SLC23A3: variants seen among roughly 807,000 people sequenced by gnomAD.
SLC23A3 encodes the protein E2-binding protein 3.
A neutral mutation model predicts 64.7 loss-of-function variants in SLC23A3; 41 were observed. The ratio of observed to expected loss-of-function variants is 0.63; its 90% CI spans 0.49 to 0.82. The LOEUF is 0.82. Among genes scored for constraint, SLC23A3 ranks in the 40% least tolerant of loss-of-function variants. SLC23A3 has a pLI of 0.00. For synonymous variants in SLC23A3, 281 were observed against 306.8 expected (o/e 0.92, Z 0.88); for missense variants, 647 against 733.4 (o/e 0.88, Z 1.36).
rs1399286429 is a variant in SLC23A3 at position 219,161,917 on chromosome 2, G to A, written c.1825C>T (p.Gln609Ter). The change falls in exon 12 of 12, where the codon CAG becomes TAG. Residue 609 changes from glutamine to a stop codon, truncating the protein, a stop_gained. Coordinates refer to ENST00000409878, the MANE Select transcript of SLC23A3 (RefSeq NM_001144889.2). LOFTEE classifies it high-confidence loss of function. ...PESSREGFRS[Q>*]K is the part of the protein sequence containing the mutation. ...AGAAGTAGGCGTTCTGGTCATTTCT[G>A]GGACCTAAACCCTTCTCTGCTAGAT... The A allele has an allele frequency of 1.9e-6, 3 of 1,550,040 alleles. No individual in the cohort carries two copies. The highest frequency in any genetic ancestry group is 1.4e-5 in the African/African-American group (1 of 72,402).
Position 219,169,907 on chromosome 2 carries a change from A to G in SLC23A3, c.78T>C (p.Pro26=). ...SQDALAPLPP[P]APQNPSTHSW... is the part of the protein sequence containing the mutation. ...AGTGGGTGGAGGGATTCTGGGGAGCAGGTGGAGGCAAGGGGGCCAGGGCAT... is the reference window on the plus strand; with the variant it reads ...AGTGGGTGGAGGGATTCTGGGGAGCGGGTGGAGGCAAGGGGGCCAGGGCAT... Residue 26 remains proline (P), a synonymous_variant, in exon 1 of 12, where the codon CCT becomes CCC. Transcript: ENST00000409878. This position sits in a 1 kb window ranked among gnomAD's most constrained non-coding sequence, Gnocchi z 4.5. 6.2e-7 allele frequency: 1 copy of G among 1,613,562 alleles called. No homozygotes were observed. Among genetic ancestry groups the G allele is most frequent in the Non-Finnish European group, 8.5e-7 (1 of 1,179,780 alleles).
At position 219,170,017 on chromosome 2, in the gene SLC23A3, C is replaced by G; in HGVS notation, c.-33G>C. 6.2e-7 allele frequency: 1 copy of G among 1,607,562 alleles called. No individual in the cohort carries two copies. Among genetic ancestry groups the G allele is most frequent in the Non-Finnish European group, 8.5e-7 (1 of 1,177,504 alleles). On this transcript the variant is annotated 5_prime_UTR_variant, in exon 1 of 12. Transcript: ENST00000409878. Reference sequence around the variant, plus strand: ...TGCCTTTCGCTTTGTCTTGGCTGCCCGGGACCAGAGTTAAGTAGAGAGAGT... The same window carrying G: ...TGCCTTTCGCTTTGTCTTGGCTGCCGGGGACCAGAGTTAAGTAGAGAGAGT...
rs1213375314 is a variant in SLC23A3 at position 219,165,302 on chromosome 2, G to A, written c.1034C>T (p.Pro345Leu). The change falls in exon 8 of 12, where the codon CCT becomes CTT. Residue 345 changes from proline to leucine, a missense_variant. Coordinates refer to ENST00000409878, the MANE Select transcript of SLC23A3 (RefSeq NM_001144889.2). ...YALCGRLLHLPPPPPHACSRG... is the reference protein window; with the variant it reads ...YALCGRLLHLLPPPPHACSRG... ...ACTGCAGGCATGTGGAGGTGGGGGA[G>A]GCAAATGCAGCAGCCGGCCACACAG... The A allele has an allele frequency of 1.3e-6, 2 of 1,551,510 alleles. No individual in the cohort carries two copies. Among genetic ancestry groups the A allele is most frequent in the Non-Finnish European group, 1.7e-6 (2 of 1,147,004 alleles).
chr2:219,168,610 C>G (rs773676001), intron 5 of SLC23A3, 42 bp downstream of exon 5: 2 of 1,591,544 alleles, frequency 1.3e-6, no homozygotes, highest in East Asian at 2.2e-5. Context: ...CCCCCATACA[C>G]CCCCACTGGG....
chr2:219,169,560 C>T lies in SLC23A3; in HGVS notation c.281G>A (p.Cys94Tyr). Reference sequence around the variant, plus strand: ...AGTTTGCAGGATGGTAGACATACCACATGAAAAGAAGCTGGAGGCCAGGAG... The same window carrying T: ...AGTTTGCAGGATGGTAGACATACCATATGAAAAGAAGCTGGAGGCCAGGAG... ...SQLLASSFFS[C>Y]GMSTILQTWM... Residue 94 changes from cysteine to tyrosine, a missense_variant, in exon 2 of 12, where the codon TGT becomes TAT. Cys to Tyr is a radical substitution (Grantham distance 194). Transcript: ENST00000409878. This position sits in a 1 kb window ranked among gnomAD's most constrained non-coding sequence, Gnocchi z 4.5. The T allele has an allele frequency of 1.2e-6, 2 of 1,614,156 alleles. No homozygotes were observed.
chr2:219,169,621 G>A lies in SLC23A3; in HGVS notation c.220C>T (p.Leu74Phe), dbSNP rs1384134426. ...GAGTAAGAGAGTCCTCCTGGGGAGA[G>A]ACTGCAAAGCAGGAGCAGGTGGGAG... ...CVSHLLLLCS[L>F]SPGGLSYSPS... Residue 74 changes from leucine to phenylalanine, a missense_variant, in exon 2 of 12, where the codon CTC (leucine) becomes TTC (phenylalanine). Physicochemically the swap from Leu to Phe is conservative, Grantham distance 22. Coordinates refer to ENST00000409878, the MANE Select transcript of SLC23A3 (RefSeq NM_001144889.2). The surrounding 1 kb of genome is among the most constrained non-coding windows in gnomAD (Gnocchi z 4.5). The A allele has an allele frequency of 4.3e-6, 7 of 1,614,112 alleles. No homozygotes were observed. The Admixed American group carries it at 5.0e-5, about 12-fold the overall frequency.
chr2:219,168,481 G>T, intron 5 of SLC23A3, 163 bp from the exon 6 acceptor site: 1 of 1,128,162 alleles, frequency 8.9e-7, no homozygotes, highest in Non-Finnish European at 1.2e-6. Context: ...AGAAAACAGT[G>T]TGAAATTCAA....
rs1269935654 is a variant in SLC23A3 at position 219,165,164 on chromosome 2, C to T, written c.1167+5G>A. 6 of 1,551,480 alleles carry T rather than the reference C, an allele frequency of 3.9e-6. No individual in the cohort carries two copies. Among genetic ancestry groups the T allele is most frequent in the Non-Finnish European group, 8.7e-7 (1 of 1,147,006 alleles). On this transcript the variant is annotated splice_donor_5th_base_variant and intron_variant, in intron 8 of 11. Transcript: ENST00000409878. ...CTACCCCACTCCCATCCCAGGTCCA[C>T]GTACCTGGATAAGACCCACTTTGCC...
At position 219,169,244 on chromosome 2, in the gene SLC23A3, T is replaced by G. The variant is rs372709394; in HGVS notation, c.418+65A>C. 456 of 1,613,336 alleles carry G rather than the reference T, an allele frequency of 2.8e-4. 1 individual carries two copies. The highest frequency in any genetic ancestry group is 3.4e-4 in the Non-Finnish European group (396 of 1,179,796). ...GCCCAATCTCAATTCTGCACCCACC[T>G]ACACCTGCATGCTCAGATGAGAACC... On this transcript the variant is annotated intron_variant, in intron 3 of 11. Coordinates refer to ENST00000409878, the MANE Select transcript of SLC23A3 (RefSeq NM_001144889.2). This position sits in a 1 kb window ranked among gnomAD's most constrained non-coding sequence, Gnocchi z 4.5.
Position 219,163,318 on chromosome 2 carries a change from G to A in SLC23A3, c.1441+70C>T, listed in dbSNP as rs1055111394. On this transcript the variant is annotated intron_variant, in intron 10 of 11. Transcript: ENST00000409878. ...AAGCCCAGAGAAGGCTGTGGGGCCA[G>A]GAGTCCGGGCAGCCTGAAGCCTCAA... 11 of 1,494,724 alleles carry A rather than the reference G, an allele frequency of 7.4e-6. No homozygotes were observed. The East Asian group carries it at 9.1e-5, about 12-fold the overall frequency. 92.6% of individuals were successfully genotyped at this position (1,494,724 alleles called of 1,614,324 possible). A position where few individuals can be genotyped will look rare whatever the true frequency, so the allele number is the denominator to read the frequency against.
rs557848804 is a variant in SLC23A3, at chr2:219,163,650, CAAAT to C, written c.1274-99_1274-96del. On this transcript the variant is annotated intron_variant, in intron 9 of 11. Coordinates refer to ENST00000409878, the MANE Select transcript of SLC23A3 (RefSeq NM_001144889.2). ...AGGGCAAGCAGGTTGTAATGGGAAACAAATAAAACCCAAGAGAATGATTTTTGTT... is the reference window on the plus strand; with the variant it reads ...AGGGCAAGCAGGTTGTAATGGGAAACAAAACCCAAGAGAATGATTTTTGTT... 351 of 1,161,626 alleles carry C rather than the reference CAAAT, an allele frequency of 3.0e-4. No individual in the cohort carries two copies. In the African/African-American group the frequency reaches 4.6e-3, roughly 15 times the overall value. 72.0% of individuals were successfully genotyped at this position (1,161,626 alleles called of 1,614,324 possible). A position where few individuals can be genotyped will look rare whatever the true frequency, so the allele number is the denominator to read the frequency against.
At chr2:219,166,521 A>T (rs1052929448) in intron 7 of SLC23A3, among the ~76,000 whole-genome samples, 119 of 150,852 alleles carry the variant, frequency 7.9e-4, no homozygotes, top group African/African-American at 2.8e-3. Flanking sequence ...TATTTTATTT[A>T]TTTTATTTTA....
rs1949941804 is a variant in SLC23A3 at position 219,161,559 on chromosome 2, G to A, written c.*350C>T. 5.2e-6 allele frequency: 1 copy of A among 193,066 alleles called. No homozygotes were observed. The highest frequency in any genetic ancestry group is 2.3e-5 in the African/African-American group (1 of 43,124). 12.0% of individuals were successfully genotyped at this position (193,066 alleles called of 1,614,324 possible). ...ACAAAGGTCTTTTTAAACCGTAAAT[G>A]CCTTGAGACGGCATGGACCCTGTCT... On this transcript the variant is annotated 3_prime_UTR_variant, in exon 12 of 12. Coordinates refer to ENST00000409878, the MANE Select transcript of SLC23A3 (RefSeq NM_001144889.2).
chr2:219,163,080 C>T (rs1333138886), intron 10 of SLC23A3, among the ~76,000 whole-genome samples: 1 of 152,236 alleles, frequency 6.6e-6, no homozygotes, highest in Non-Finnish European at 1.5e-5. Flanking sequence ...TACCATCCTT[C>T]AAGACCAGCT....
rs773835630 is a variant in SLC23A3 at position 219,162,282 on chromosome 2, G to A, written c.1537+17C>T. 3.0e-5 allele frequency: 49 copies of A among 1,613,766 alleles called. No homozygotes were observed. The highest frequency in any genetic ancestry group is 4.1e-5 in the Non-Finnish European group (48 of 1,179,806). ...CCTGGCCACTCCCCAGTCTGCTAGG[G>A]CCTAGCCTCAACTTACCAGGAATCG... is the stretch of plus-strand genomic sequence containing the variant. On this transcript the variant is annotated intron_variant, in intron 11 of 11. Transcript: ENST00000409878.
In SLC23A3 at chr2:219,162,348, G is replaced by A. The variant is rs1413920758; in HGVS notation, c.1488C>T (p.Pro496=). The change falls in exon 11 of 12, where the codon CCC becomes CCT. Residue 496 remains proline (P), a synonymous_variant. Transcript: ENST00000409878. The part of the protein sequence containing the change: ...DVLLHSLLTQ[P]IFLAGLSGFL... ...AGCCTGAGAGTCCAGCCAGGAAGAT[G>A]GGCTGTGTCAGCAGTGAGTGCAGTA... The A allele has an allele frequency of 6.2e-6, 10 of 1,614,100 alleles. No individual in the cohort carries two copies. Among genetic ancestry groups the A allele is most frequent in the Admixed American group, 1.7e-5 (1 of 60,020 alleles).
chr2:219,163,513 C>A lies in SLC23A3; in HGVS notation c.1316G>T (p.Gly439Val). ...GVTQAVVLSA[G>V]FSSFYLADID... is the part of the protein sequence containing the mutation. ...GTCAGCCAGGTAGAAGCTGGAGAATCCAGCAGACAAAACCACAGCCTGGGT... is the reference window on the plus strand; with the variant it reads ...GTCAGCCAGGTAGAAGCTGGAGAATACAGCAGACAAAACCACAGCCTGGGT... Residue 439 changes from glycine (G) to valine (V), a missense_variant, in exon 10 of 12, where the codon GGA (glycine) becomes GTA (valine). Physicochemically the swap from Gly to Val is moderately radical, Grantham distance 109 (BLOSUM62 -3). Coordinates refer to ENST00000409878, the MANE Select transcript of SLC23A3 (RefSeq NM_001144889.2). The A allele has an allele frequency of 6.2e-7, 1 of 1,614,136 alleles. No homozygotes were observed.
At chr2:219,162,418 G>A in intron 10 of SLC23A3, 24 bp from the exon 11 acceptor site, 1 of 1,574,988 alleles carries the variant, frequency 6.3e-7, no homozygotes, top group African/African-American at 1.3e-5. Flanking sequence ...GGGCCAGGCA[G>A]GAAGGGAACT....
At chr2:219,166,861 T>A (rs555867038) in intron 7 of SLC23A3, among the ~76,000 whole-genome samples, 6 of 152,322 alleles carry the variant, frequency 3.9e-5, no homozygotes, top group African/African-American at 1.4e-4. Context: ...GGACACAATG[T>A]ATCTCCCTTT....
Sources: gnomAD v4.1 joint callset for allele counts (sites outside exome capture counted in the v4.1 genomes callset) on GRCh38, gnomAD v4.1.1 for gene constraint, Gnocchi (gnomAD v3.1) non-coding constraint, MANE v1.5 for transcripts, NCBI Gene and HGNC (gene_info 2026-07-23, HGNC 2026-07-21) for gene names.